Variants in ACYP2 observed in about 807,000 individuals in gnomAD.
ACYP2 encodes acylphosphatase 2, also known as acylphosphatase-2.
A neutral mutation model predicts 11.2 loss-of-function variants in ACYP2; 12 were observed. The observed-to-expected ratio is 1.08, with a 90% CI of 0.69 to 1.74. ACYP2 has a LOEUF of 1.74. ACYP2 is among the 40% of genes most tolerant of loss of function. ACYP2 has a pLI of 0.00. For missense variants in ACYP2, 134 were observed against 101.9 expected (o/e 1.31, Z -1.35); for synonymous variants, 43 against 32.2 (o/e 1.33, Z -1.13).
intron 2 of ACYP2, among the ~76,000 whole-genome samples, chr2:54,041,612 C>T (rs984923839): frequency 3.3e-5 from 5 of 152,088 alleles, no homozygotes; most frequent in East Asian, 1.9e-4. Flanking sequence ...CACAGGTGTA[C>T]GACTGGACTA....
intron 3 of ACYP2, chr2:54,051,449 G>A (rs1024902671): frequency 2.2e-5 from 15 of 693,266 alleles, no homozygotes; most frequent in African/African-American, 8.9e-5. Context: ...CCTCCTAAAC[G>A]GGTGACAAAA....
chr2:54,138,891 C>T, intron 6 of ACYP2, 143 bp downstream of exon 3: 1 of 669,016 alleles, frequency 1.5e-6, no homozygotes, highest in Non-Finnish European at 2.6e-6. Flanking sequence ...CTTCCAGGCT[C>T]AGATCTCCCC....
intron 4 of ACYP2, among the ~76,000 whole-genome samples, chr2:54,095,652 C>G (rs62137969): frequency 3.7e-4 from 46 of 123,208 alleles, no homozygotes; most frequent in Middle Eastern, 5.4e-3. Flanking sequence ...CGGCTGGCCG[C>G]GCGGGGGGCT....
intron 6 of ACYP2, among the ~76,000 whole-genome samples, chr2:54,147,451 CATT>C (rs1681947574): frequency 1.3e-5 from 2 of 152,210 alleles, no homozygotes; most frequent in East Asian, 1.9e-4. Context: ...ACTTGCTTCT[CATT>C]ATTTCTGTAG....
At chr2:54,092,201 G>A (rs1021501775) in intron 4 of ACYP2, among the ~76,000 whole-genome samples, 4 of 152,140 alleles carry the variant, frequency 2.6e-5, no homozygotes, top group Non-Finnish European at 5.9e-5. Context: ...GCAGTGCTGG[G>A]GAACAATGGA....
intron 6 of ACYP2, among the ~76,000 whole-genome samples, chr2:54,227,491 T>C (rs1686058025): frequency 6.6e-6 from 1 of 151,914 alleles, no homozygotes; most frequent in Non-Finnish European, 1.5e-5. Context: ...TACAAAAAAT[T>C]ATCCGGTTCA....
chr2:54,006,588 C>G (rs759103495), intron 2 of ACYP2, among the ~76,000 whole-genome samples: 1 of 152,102 alleles, frequency 6.6e-6, no homozygotes, highest in African/African-American at 2.4e-5. Context: ...TGTGCCCAGT[C>G]AGTATCTCTC....
At chr2:54,022,267 G>A (rs1402960032) in intron 2 of ACYP2, among the ~76,000 whole-genome samples, 1 of 151,878 alleles carries the variant, frequency 6.6e-6, no homozygotes, top group African/African-American at 2.4e-5. Flanking sequence ...CCCCTGACAG[G>A]GTTCAGGATT....
chr2:54,029,760 G>A, intron 2 of ACYP2: 1 of 597,266 alleles, frequency 1.7e-6, no homozygotes, highest in Non-Finnish European at 3.2e-6. Flanking sequence ...AGCATGCTGG[G>A]GAACATTGTA....
At chr2:54,215,806 A>C (rs1292014239) in intron 6 of ACYP2, among the ~76,000 whole-genome samples, 1 of 152,204 alleles carries the variant, frequency 6.6e-6, no homozygotes, top group Non-Finnish European at 1.5e-5. Context: ...TTTATGTATA[A>C]AATAAATAAA....
At chr2:54,011,808 T>C (rs1456429396) in intron 2 of ACYP2, among the ~76,000 whole-genome samples, 3 of 152,208 alleles carry the variant, frequency 2.0e-5, no homozygotes, top group Admixed American at 1.3e-4. Flanking sequence ...CAGTAAGTTA[T>C]CTTGTCACAT....
At position 54,285,647 on chromosome 2, in the gene ACYP2, C is replaced by G. The variant is rs190565797; in HGVS notation, c.405-19041C>G. On this transcript the variant is annotated intron_variant, in intron 6 of 6. Transcript: ENST00000607452. ...AATACATGTGTTTTTACTGGGCACACAGCCACTCAGAATAAAGCCTACATT... is the reference window on the plus strand; with the variant it reads ...AATACATGTGTTTTTACTGGGCACAGAGCCACTCAGAATAAAGCCTACATT... 2.0e-5 allele frequency among the ~76,000 whole-genome samples: 3 copies of G among 152,334 alleles called. No homozygotes were observed. The East Asian group carries it at 5.8e-4, about 29-fold the overall frequency.
chr2:54,162,304 C>T (rs1682753973), intron 6 of ACYP2, among the ~76,000 whole-genome samples: 1 of 152,156 alleles, frequency 6.6e-6, no homozygotes, highest in Admixed American at 6.5e-5. Context: ...GCTATTTTTA[C>T]CCCACTGTGT....
intron 4 of ACYP2, among the ~76,000 whole-genome samples, chr2:54,106,558 A>C (rs1395559863): frequency 6.6e-6 from 1 of 151,984 alleles, no homozygotes; most frequent in East Asian, 1.9e-4. Context: ...ATAATGTCTC[A>C]TATAATAAGA....
At chr2:54,130,765 A>C (rs1680853612) in intron 4 of ACYP2, among the ~76,000 whole-genome samples, 1 of 152,222 alleles carries the variant, frequency 6.6e-6, no homozygotes, top group Non-Finnish European at 1.5e-5. Context: ...ATATTTAACT[A>C]TGCGTGGTAT....
intron 6 of ACYP2, among the ~76,000 whole-genome samples, chr2:54,199,987 T>C (rs1684689672): frequency 6.6e-6 from 1 of 152,384 alleles, no homozygotes; most frequent in Non-Finnish European, 1.5e-5. Context: ...CAGTTTTGTA[T>C]TGAAACCTAG....
At chr2:53,987,115 G>A (rs1413252221) in intron 2 of ACYP2, among the ~76,000 whole-genome samples, 1 of 152,146 alleles carries the variant, frequency 6.6e-6, no homozygotes, top group African/African-American at 2.4e-5. Flanking sequence ...TTCCATTTCT[G>A]TGTTATAACA....
At chr2:54,236,024 T>C (rs1290403959) in intron 6 of ACYP2, among the ~76,000 whole-genome samples, 1 of 152,170 alleles carries the variant, frequency 6.6e-6, no homozygotes, top group East Asian at 1.9e-4. Flanking sequence ...TATTGTATTT[T>C]TGTTTTCTGT....
rs185204269 is a variant in ACYP2 at position 54,104,925 on chromosome 2, C to T, written c.278-30528C>T. Among the ~76,000 whole-genome samples, 378 of 152,272 alleles carry T rather than the reference C, an allele frequency of 2.5e-3. 1 individual carries two copies. Among genetic ancestry groups the T allele is most frequent in the African/African-American group, 8.5e-3 (354 of 41,564 alleles). On this transcript the variant is annotated intron_variant, in intron 4 of 6. Coordinates refer to ENST00000607452, the MANE Select transcript of ACYP2 (RefSeq NM_001320586.2). ...GTCAGGTCTTAGAGGATAACTGTGT[C>T]CACAGTGTAACACTGTGTTACAAGC...
Sources: gnomAD v4.1 joint callset for allele counts (sites outside exome capture counted in the v4.1 genomes callset) on GRCh38, gnomAD v4.1.1 for gene constraint, MANE v1.5 for transcripts, NCBI Gene and HGNC (gene_info 2026-07-23, HGNC 2026-07-21) for gene names.